The following ACOXL variants were observed in gnomAD, a reference collection of about 807,000 sequenced individuals.
ACOXL encodes acyl-CoA oxidase like.
Under a neutral mutation model 71.9 loss-of-function variants are expected in ACOXL, and 70 were observed. The ratio of observed to expected loss-of-function variants is 0.97; its 90% confidence interval spans 0.80 to 1.19. ACOXL has a LOEUF of 1.19. ACOXL is among the 50% of genes most tolerant of loss of function. The probability of loss-of-function intolerance (pLI) is 0.00; values close to 1 mark genes in which losing one functional copy is unlikely to be tolerated. For missense variants in ACOXL, 703 were observed against 736.3 expected (o/e 0.95, Z 0.52); for synonymous variants, 253 against 281.6 (o/e 0.90, Z 1.02).
chr2:110,909,539 G>C (rs1161713018), intron 11 of ACOXL, among the ~76,000 whole-genome samples: 1 of 152,036 alleles, frequency 6.6e-6, no homozygotes, highest in African/African-American at 2.4e-5. Context: ...TAGTGGACTG[G>C]GAGTGGAGCT....
At chr2:110,902,536 C>T (rs761691132) in intron 10 of ACOXL, among the ~76,000 whole-genome samples, 2 of 152,112 alleles carry the variant, frequency 1.3e-5, no homozygotes, top group East Asian at 1.9e-4. Context: ...TTGTGTGCAG[C>T]GAGGTCCCTT....
At chr2:111,059,779 AAG>A (rs1553467647) in intron 16 of ACOXL, among the ~76,000 whole-genome samples, 3 of 151,874 alleles carry the variant, frequency 2.0e-5, no homozygotes, top group South Asian at 2.1e-4. Context: ...AAAAAAAAAA[AAG>A]AGAGAAGAAG....
At chr2:110,950,789 TAAG>T (rs2061298121) in intron 12 of ACOXL, among the ~76,000 whole-genome samples, 2 of 132,746 alleles carry the variant, frequency 1.5e-5, no homozygotes, top group Admixed American at 1.6e-4. Context: ...GAATCAATCT[TAAG>T]GAGGAAGGGT....
intron 1 of ACOXL, among the ~76,000 whole-genome samples, chr2:110,755,800 G>C (rs1414052519): frequency 6.6e-6 from 1 of 151,980 alleles, no homozygotes; most frequent in Non-Finnish European, 1.5e-5. Context: ...AAGTCAGAAA[G>C]CATAAAAAAA....
chr2:110,940,118 A>C (rs759261099), intron 12 of ACOXL, among the ~76,000 whole-genome samples: 10 of 152,222 alleles, frequency 6.6e-5, no homozygotes, highest in African/African-American at 9.6e-5. Flanking sequence ...TTTATGAAAC[A>C]GTACCGGCCT....
chr2:111,038,043 C>T (rs971092806), intron 15 of ACOXL, among the ~76,000 whole-genome samples: 2 of 152,176 alleles, frequency 1.3e-5, no homozygotes, highest in African/African-American at 4.8e-5. Context: ...GGTGGAAGCC[C>T]TAGGACCGTA....
chr2:110,947,129 C>T (rs187298261), intron 12 of ACOXL, among the ~76,000 whole-genome samples: 4 of 152,230 alleles, frequency 2.6e-5, no homozygotes, highest in East Asian at 1.9e-4. Context: ...GCCTGAGAGC[C>T]GAACTCTGCT....
intron 1 of ACOXL, among the ~76,000 whole-genome samples, chr2:110,745,851 C>G (rs1678129343): frequency 6.6e-6 from 1 of 152,184 alleles, no homozygotes; most frequent in South Asian, 2.1e-4. Context: ...GTCATTCTTA[C>G]TGTGTCTTGA....
chr2:110,997,071 T>A (rs2063429079), intron 14 of ACOXL, among the ~76,000 whole-genome samples: 1 of 151,966 alleles, frequency 6.6e-6, no homozygotes, highest in Non-Finnish European at 1.5e-5. Context: ...CCAGCCAAAA[T>A]AAGAGATGGA....
At chr2:110,919,548 A>G (rs1238085240) in intron 11 of ACOXL, among the ~76,000 whole-genome samples, 1 of 151,422 alleles carries the variant, frequency 6.6e-6, no homozygotes, top group Non-Finnish European at 1.5e-5. Flanking sequence ...CCAGAACTTA[A>G]ACTATAATAG....
At chr2:110,749,636 G>A (rs146168062) in intron 1 of ACOXL, among the ~76,000 whole-genome samples, 117 of 152,356 alleles carry the variant, frequency 7.7e-4, no homozygotes, top group Non-Finnish European at 1.5e-3. Context: ...GCTGAGGCAA[G>A]AGGATAATTT....
chr2:110,861,549 C>T (rs565238305), intron 10 of ACOXL, among the ~76,000 whole-genome samples: 12 of 152,166 alleles, frequency 7.9e-5, no homozygotes, highest in African/African-American at 9.6e-5. Flanking sequence ...TGACCTGGAA[C>T]GGAGAAACTC....
chr2:110,799,256 T>C (rs190319501), intron 7 of ACOXL, among the ~76,000 whole-genome samples, 156 bp downstream of exon 7: 139 of 152,344 alleles, frequency 9.1e-4, no homozygotes, highest in Non-Finnish European at 1.2e-3. Context: ...CATGAAGTCT[T>C]TTATGTAGAA....
intron 2 of ACOXL, among the ~76,000 whole-genome samples, 191 bp from the exon 3 acceptor site, chr2:110,784,541 G>A (rs1683719003): frequency 6.6e-6 from 1 of 152,144 alleles, no homozygotes. Flanking sequence ...TTAGAGACCA[G>A]AAAGCCACAT....
chr2:111,071,587 T>C (rs1222797840), intron 16 of ACOXL, among the ~76,000 whole-genome samples: 1 of 152,234 alleles, frequency 6.6e-6, no homozygotes. Context: ...GAGCACTTCA[T>C]CACAGTGAGA....
chr2:110,803,778 G>T (rs1014531246), intron 8 of ACOXL, among the ~76,000 whole-genome samples: 47 of 151,966 alleles, frequency 3.1e-4, no homozygotes, highest in Non-Finnish European at 6.5e-4. Context: ...TTAATATAAG[G>T]GTATAGTATC....
rs774585913 is a variant in ACOXL at position 110,798,627 on chromosome 2, G to A, written c.363G>A (p.Thr121=). The A allele has an allele frequency of 8.1e-6, 13 of 1,613,844 alleles. No homozygotes were observed. Among genetic ancestry groups the A allele is most frequent in the South Asian group, 5.5e-5 (5 of 91,074 alleles). The change falls in exon 6 of 18, where the codon ACG becomes ACA. Residue 121 remains threonine (T), a synonymous_variant. Transcript: ENST00000439055. ...CTGTGTAGGAGTTTGTAATTGACAC[G>A]CCGTGTGAAAATGCGGAGAAGATGT... The part of the protein sequence containing the change: ...DLSAQEFVID[T]PCENAEKMYI...
At chr2:110,740,662 AT>A (rs955415308) in intron 1 of ACOXL, among the ~76,000 whole-genome samples, 51 of 152,322 alleles carry the variant, frequency 3.3e-4, no homozygotes, top group African/African-American at 1.2e-3. Context: ...TTTTATGAGC[AT>A]TTATTGGATG....
intron 16 of ACOXL, 30 bp from the exon 17 acceptor site, chr2:111,092,835 C>A: frequency 6.8e-7 from 1 of 1,472,944 alleles, no homozygotes; most frequent in Non-Finnish European, 9.5e-7. Flanking sequence ...TGCTATTTGT[C>A]CATTTCTTTT....
Sources: allele counts gnomAD v4.1 joint callset (sites outside exome capture counted in the v4.1 genomes callset), GRCh38; gene constraint gnomAD v4.1.1; transcripts MANE v1.5; gene names NCBI Gene and HGNC (gene_info 2026-07-23, HGNC 2026-07-21).